The following CCDC149 variants were observed in gnomAD, a reference collection of about 807,000 sequenced individuals.
CCDC149 encodes the protein coiled-coil domain containing 149.
Under a neutral mutation model 59.9 loss-of-function variants are expected in CCDC149, and 45 were observed. That is an observed-to-expected ratio of 0.75 (90% CI 0.59 to 0.96). The LOEUF is 0.96. CCDC149 is among the 40% of genes least tolerant of loss of function. The probability of loss-of-function intolerance (pLI) is 0.00; values close to 1 mark genes in which losing one functional copy is unlikely to be tolerated. For missense variants in CCDC149, 584 were observed against 664.7 expected, an observed-to-expected ratio of 0.88 and a Z score of 1.33; for synonymous variants, 245 against 260.6, an observed-to-expected ratio of 0.94 and a Z score of 0.58.
At chr4:24,906,364 A>AATTTC (rs1553859581) in intron 1 of CCDC149, among the ~76,000 whole-genome samples, 1 of 42,028 alleles carries the variant, frequency 2.4e-5, no homozygotes, top group African/African-American at 9.1e-5. Context: ...CAGCGGAACA[A>AATTTC]ATTTTATTTT....
chr4:24,910,430 G>A (rs757289872), intron 1 of CCDC149, among the ~76,000 whole-genome samples: 57 of 152,086 alleles, frequency 3.7e-4, no homozygotes, highest in Admixed American at 5.9e-4. Flanking sequence ...TTAGGTCTCG[G>A]ATGCAGCTAT....
intron 1 of CCDC149, among the ~76,000 whole-genome samples, chr4:24,892,807 C>A (rs960102069): frequency 1.3e-5 from 2 of 152,226 alleles, no homozygotes; most frequent in Admixed American, 6.5e-5. Context: ...GTTGCTATTA[C>A]AGAATACCAG....
chr4:24,862,736 A>G (rs1467777930), intron 3 of CCDC149, among the ~76,000 whole-genome samples: 1 of 152,140 alleles, frequency 6.6e-6, no homozygotes, highest in African/African-American at 2.4e-5. Context: ...TTTCTCCCAT[A>G]TATTTCCTGG....
At chr4:24,836,561 C>T in intron 6 of CCDC149, 53 bp from the exon 7 acceptor site, 1 of 1,230,114 alleles carries the variant, frequency 8.1e-7, no homozygotes, top group South Asian at 1.2e-5. Context: ...ATAAAAAACA[C>T]ACACTGAAGT....
downstream of CCDC149, among the ~76,000 whole-genome samples, chr4:24,804,322 C>A (rs1275717733): frequency 6.6e-6 from 1 of 151,916 alleles, no homozygotes; most frequent in Admixed American, 6.6e-5. Flanking sequence ...GAAACCCCGT[C>A]TCTACTAAAA....
Position 24,808,508 on chromosome 4 carries a change from G to T in CCDC149, c.1504C>A (p.Leu502Ile). The T allele has an allele frequency of 6.6e-7, 1 of 1,525,046 alleles. No individual in the cohort carries two copies. Among genetic ancestry groups the T allele is most frequent in the Non-Finnish European group, 8.8e-7 (1 of 1,135,598 alleles). 94.5% of individuals were successfully genotyped at this position (1,525,046 alleles called of 1,614,324 possible). Reference sequence around the variant, plus strand: ...AAGGAGTCCAGGTGAGATTTAGGGAGCTCCCCCTGGATGGCCAGGCCTGGC... The same window carrying T: ...AAGGAGTCCAGGTGAGATTTAGGGATCTCCCCCTGGATGGCCAGGCCTGGC... The change falls in exon 13 of 13, where the codon CTC becomes ATC. Residue 502 changes from leucine to isoleucine, a missense_variant. Leu to Ile is a conservative substitution (Grantham distance 5, BLOSUM62 2). Transcript: ENST00000635206.
intron 1 of CCDC149, among the ~76,000 whole-genome samples, chr4:24,963,470 A>C (rs1192384264): frequency 6.6e-6 from 1 of 152,164 alleles, no homozygotes; most frequent in Non-Finnish European, 1.5e-5. Context: ...GCAGAACCAC[A>C]CAAGGAGGTG....
intron 1 of CCDC149, among the ~76,000 whole-genome samples, chr4:24,941,646 C>G (rs1323060458): frequency 2.0e-5 from 3 of 152,034 alleles, no homozygotes; most frequent in Admixed American, 2.0e-4. Flanking sequence ...TGATAGGCCA[C>G]TAGCAAGACT....
intron 1 of CCDC149, among the ~76,000 whole-genome samples, chr4:24,966,266 T>A (rs1479697913): frequency 6.6e-6 from 1 of 152,078 alleles, no homozygotes; most frequent in Non-Finnish European, 1.5e-5. Flanking sequence ...ATGGCAGTCA[T>A]ATGCCAAATT....
chr4:24,900,127 G>A (rs570934749), intron 1 of CCDC149, among the ~76,000 whole-genome samples: 60 of 152,292 alleles, frequency 3.9e-4, no homozygotes, highest in African/African-American at 1.4e-3. Flanking sequence ...TCACAGCATA[G>A]TGTCCTCATC....
At chr4:24,804,203 A>C (rs1714011605), downstream of CCDC149, among the ~76,000 whole-genome samples, 1 of 152,152 alleles carries the variant, frequency 6.6e-6, no homozygotes, top group South Asian at 2.1e-4. Context: ...AAAAAGAAGG[A>C]GGGTACAGGC....
At position 24,836,420 on chromosome 4, in the gene CCDC149, A is replaced by C; in HGVS notation, c.735+16T>G. 6.5e-7 allele frequency: 1 copy of C among 1,548,208 alleles called. No individual in the cohort carries two copies. Among genetic ancestry groups the C allele is most frequent in the Non-Finnish European group, 8.9e-7 (1 of 1,120,536 alleles). On this transcript the variant is annotated intron_variant, in intron 7 of 12. Coordinates refer to ENST00000635206, the MANE Select transcript of CCDC149 (RefSeq NM_001330643.2). ...ACAATAGTCAATCACCATCACTGTC[A>C]TCATGATTTTGCTACCTTGTATTTG...
intron 1 of CCDC149, among the ~76,000 whole-genome samples, chr4:24,927,718 ACCT>A (rs1253765711): frequency 6.6e-6 from 1 of 151,594 alleles, no homozygotes; most frequent in African/African-American, 2.4e-5. Context: ...TTGATCTACC[ACCT>A]CCTCCTCCAT....
intron 1 of CCDC149, among the ~76,000 whole-genome samples, chr4:24,966,615 T>C (rs952220076): frequency 7.9e-5 from 12 of 152,230 alleles, no homozygotes; most frequent in African/African-American, 2.9e-4. Flanking sequence ...TGTGGATAGA[T>C]TTGATTTTTG....
rs576497800 is a variant in CCDC149, at chr4:24,900,486, T to C, written c.63+12331A>G. Among the ~76,000 whole-genome samples the C allele has an allele frequency of 5.3e-5, 8 of 152,316 alleles. No homozygotes were observed. The South Asian group carries it at 8.3e-4, about 16-fold the overall frequency. On this transcript the variant is annotated intron_variant, in intron 1 of 12. Transcript: ENST00000635206. ...AAATGGGCCAGAACCAGGTTGGTTC[T>C]GTACTCTGTATCAGTGCCCTGCCTC...
At chr4:24,964,192 T>TAAAAAAAAAAAA (rs377278394) in intron 1 of CCDC149, among the ~76,000 whole-genome samples, 1 of 119,208 alleles carries the variant, frequency 8.4e-6, no homozygotes, top group African/African-American at 3.4e-5. Context: ...AGACCCTATC[T>TAAAAAAAAAAAA]AAAAAAAAAA....
intron 1 of CCDC149, among the ~76,000 whole-genome samples, chr4:24,928,604 TC>T (rs1211930450): frequency 7.2e-5 from 11 of 152,238 alleles, no homozygotes; most frequent in African/African-American, 2.7e-4. Context: ...GTTCTTGCTT[TC>T]TTTGCTCCAA....
chr4:24,927,095 A>C (rs903104171), intron 1 of CCDC149, among the ~76,000 whole-genome samples: 17 of 152,230 alleles, frequency 1.1e-4, no homozygotes, highest in African/African-American at 4.1e-4. Context: ...ATTTGAGGGA[A>C]GAGAACACAG....
At chr4:24,875,828 TC>T (rs1472401171) in intron 2 of CCDC149, among the ~76,000 whole-genome samples, 1 of 152,108 alleles carries the variant, frequency 6.6e-6, no homozygotes, top group Non-Finnish European at 1.5e-5. Flanking sequence ...GACTTATGAA[TC>T]CTCTTTTTAA....
Sources: gnomAD v4.1 joint callset for allele counts (sites outside exome capture counted in the v4.1 genomes callset) on GRCh38, gnomAD v4.1.1 for gene constraint, MANE v1.5 for transcripts, NCBI Gene and HGNC (gene_info 2026-07-23, HGNC 2026-07-21) for gene names.